LRRC56: variants seen among roughly 807,000 people sequenced by gnomAD.
LRRC56 encodes the protein leucine-rich repeat-containing protein 56.
Under a neutral mutation model 47.8 loss-of-function variants are expected in LRRC56, and 41 were observed. The ratio of observed to expected loss-of-function variants is 0.86; its 90% confidence interval spans 0.67 to 1.11. LRRC56 has a LOEUF of 1.11. Among genes scored for constraint, LRRC56 ranks in the 50% most tolerant of loss-of-function variants. LRRC56 has a pLI of 0.00. For synonymous variants in LRRC56, 387 were observed against 311.2 expected, an observed-to-expected ratio of 1.24 and a Z score of -2.56; for missense variants, 759 against 704.2, an observed-to-expected ratio of 1.08 and a Z score of -0.88.
Position 549,942 on chromosome 11 carries a change from C to T in LRRC56, c.367C>T (p.Leu123=), listed in dbSNP as rs1393286110. ...TCTGGGCCACCTGCAGGTGCTGTGG[C>T]TGGCTCGCTGTGGCCTCGCTGACCT... is the stretch of plus-strand genomic sequence containing the variant. ...TSLGHLQVLW[L]ARCGLADLDG... Residue 123 remains leucine (L), a synonymous_variant, in exon 7 of 14, where the codon CTG becomes TTG. Coordinates refer to ENST00000270115, the MANE Select transcript of LRRC56 (RefSeq NM_198075.4). 1.2e-6 allele frequency: 2 copies of T among 1,612,856 alleles called. No homozygotes were observed. Among genetic ancestry groups the T allele is most frequent in the Non-Finnish European group, 1.7e-6 (2 of 1,179,888 alleles).
At chr11:533,189 C>G, upstream of LRRC56, 3 of 1,227,044 alleles carry the variant, frequency 2.4e-6, no homozygotes, top group South Asian at 1.4e-5. Context: ...CCGCCTTCCC[C>G]GGAGCTGTGT....
chr11:522,751 C>T, the LRRC56 span, among the ~76,000 whole-genome samples: 1 of 151,958 alleles, frequency 6.6e-6, no homozygotes, highest in Admixed American at 6.6e-5. Context: ...TATACATTTT[C>T]TTTTCTTTTG....
chr11:511,385 A>G, the LRRC56 span, among the ~76,000 whole-genome samples: 2 of 152,184 alleles, frequency 1.3e-5, no homozygotes, highest in African/African-American at 4.8e-5. Context: ...TGAGAATTCA[A>G]CTTGATTGGT....
At chr11:514,245 T>A in the LRRC56 span, among the ~76,000 whole-genome samples, 1 of 151,156 alleles carries the variant, frequency 6.6e-6, no homozygotes, top group Admixed American at 6.6e-5. Flanking sequence ...CCGCCCACCT[T>A]GGCCTCCCAC....
the LRRC56 span, chr11:507,337 G>C: frequency 1.3e-5 from 2 of 151,768 alleles, no homozygotes; most frequent in Non-Finnish European, 2.9e-5. Flanking sequence ...TCTCGGGGTC[G>C]GGGCGGGGCC....
At chr11:518,477 A>G in the LRRC56 span, among the ~76,000 whole-genome samples, 3 of 151,742 alleles carry the variant, frequency 2.0e-5, no homozygotes, top group Non-Finnish European at 2.9e-5. Context: ...CCACCGCGCC[A>G]GGTCAGCTTT....
the LRRC56 span, among the ~76,000 whole-genome samples, chr11:507,850 G>A: frequency 6.6e-6 from 1 of 152,220 alleles, no homozygotes; most frequent in Non-Finnish European, 1.5e-5. Flanking sequence ...TGGGACCCCA[G>A]CCCGCAAGGC....
chr11:540,777 C>T lies in LRRC56; in HGVS notation c.93C>T (p.Pro31=), dbSNP rs200694737. Residue 31 remains proline, a synonymous_variant, in exon 4 of 14, where the codon CCC becomes CCT. Transcript: ENST00000270115. ...RELSWQGLHN[P]CPQSKGPGSQ... Reference sequence around the variant, plus strand: ...TGAGCTGGCAAGGCCTGCACAACCCCTGCCCACAGAGCAAGGGCCCTGGCA... The same window carrying T: ...TGAGCTGGCAAGGCCTGCACAACCCTTGCCCACAGAGCAAGGGCCCTGGCA... 342 of 1,609,698 alleles carry T rather than the reference C, an allele frequency of 2.1e-4. No homozygotes were observed. Among genetic ancestry groups the T allele is most frequent in the Non-Finnish European group, 2.8e-4 (332 of 1,178,764 alleles).
intron 5 of LRRC56, among the ~76,000 whole-genome samples, chr11:542,591 A>AAAAAAAAAAAAAAAAC (rs1851852481): frequency 6.7e-6 from 1 of 148,336 alleles, no homozygotes; most frequent in Non-Finnish European, 1.5e-5. Context: ...AAAAAAAAAA[A>AAAAAAAAAAAAAAAAC]AAAAAAAAAA....
chr11:524,626 T>A, the LRRC56 span, among the ~76,000 whole-genome samples: 34 of 151,938 alleles, frequency 2.2e-4, no homozygotes, highest in African/African-American at 7.5e-4. Context: ...AGTGAAACTC[T>A]GTCTCAAAAA....
At position 554,617 on chromosome 11, in the gene LRRC56, G is replaced by T. The variant is rs112815689; in HGVS notation, c.*341G>T. ...TCTCCTGCTAGAATTGGGCATGGCC[G>T]AGGGGCAGGGGCTGGAGCTGCGAGT... On this transcript the variant is annotated 3_prime_UTR_variant, in exon 14 of 14. Coordinates refer to ENST00000270115, the MANE Select transcript of LRRC56 (RefSeq NM_198075.4). The T allele has an allele frequency of 1.7e-5, 7 of 401,984 alleles. No homozygotes were observed. The highest frequency in any genetic ancestry group is 3.1e-5 in the Non-Finnish European group (7 of 225,268). 24.9% of individuals were successfully genotyped at this position (401,984 alleles called of 1,614,324 possible). A position where few individuals can be genotyped will look rare whatever the true frequency, so the allele number is the denominator to read the frequency against.
At chr11:515,158 G>A in the LRRC56 span, among the ~76,000 whole-genome samples, 1 of 152,174 alleles carries the variant, frequency 6.6e-6, no homozygotes, top group African/African-American at 2.4e-5. Context: ...CATGTGGGGA[G>A]GGTCAGGTCT....
upstream of LRRC56, chr11:535,604 T>C (rs534419737): frequency 8.6e-5 from 13 of 151,238 alleles, no homozygotes; most frequent in African/African-American, 1.7e-4. Flanking sequence ...CGCCCGTCCG[T>C]CTGCCAGGCG....
At chr11:520,369 G>C in the LRRC56 span, among the ~76,000 whole-genome samples, 1 of 152,064 alleles carries the variant, frequency 6.6e-6, no homozygotes, top group African/African-American at 2.4e-5. Flanking sequence ...CGCCCAGGCT[G>C]GAGTGCAATG....
chr11:511,590 G>T, the LRRC56 span, among the ~76,000 whole-genome samples: 2 of 152,226 alleles, frequency 1.3e-5, no homozygotes, highest in Non-Finnish European at 2.9e-5. Flanking sequence ...CCCCATAAGG[G>T]TTCTTCACTG....
the LRRC56 span, among the ~76,000 whole-genome samples, chr11:518,330 C>T: frequency 3.3e-5 from 5 of 151,996 alleles, no homozygotes; most frequent in Non-Finnish European, 5.9e-5. Context: ...TACAGGTGCC[C>T]GCCACCACGC....
intron 8 of LRRC56, among the ~76,000 whole-genome samples, chr11:550,727 C>A (rs1003575370): frequency 6.6e-6 from 1 of 152,118 alleles, no homozygotes; most frequent in African/African-American, 2.4e-5. Flanking sequence ...GCTCACAGAC[C>A]CTACACAGGG....
intron 5 of LRRC56, among the ~76,000 whole-genome samples, chr11:544,143 G>A (rs1851951821): frequency 6.6e-6 from 1 of 152,240 alleles, no homozygotes; most frequent in Non-Finnish European, 1.5e-5. Context: ...GCCTTTTCCT[G>A]GGGCCTTGGG....
chr11:532,081 C>T, the LRRC56 span, among the ~76,000 whole-genome samples: 2 of 152,180 alleles, frequency 1.3e-5, no homozygotes, highest in Non-Finnish European at 2.9e-5. Context: ...CTGGGGCAGG[C>T]GGGAGGAGAG....
Sources: allele counts gnomAD v4.1 joint callset (sites outside exome capture counted in the v4.1 genomes callset), GRCh38; gene constraint gnomAD v4.1.1; transcripts MANE v1.5; gene names NCBI Gene and HGNC (gene_info 2026-07-23, HGNC 2026-07-21).